The following CCDC148 variants were observed in gnomAD, a reference collection of about 807,000 sequenced individuals.
The protein encoded by CCDC148 is coiled-coil domain-containing protein 148.
A neutral mutation model predicts 85.7 loss-of-function variants in CCDC148; 89 were observed. The observed-to-expected ratio is 1.04, with a 90% CI of 0.87 to 1.24. The LOEUF (loss-of-function observed/expected upper bound fraction) is 1.24, where lower values mean the gene tolerates loss of function less well. CCDC148 is among the 50% of genes most tolerant of loss of function. The probability of loss-of-function intolerance (pLI) is 0.00; values close to 1 mark genes in which losing one functional copy is unlikely to be tolerated. For missense variants in CCDC148, 692 were observed against 671.7 expected (o/e 1.03, Z -0.33); for synonymous variants, 230 against 213.9 (o/e 1.08, Z -0.66).
intron 9 of CCDC148, among the ~76,000 whole-genome samples, chr2:158,252,262 G>T (rs1228308421): frequency 6.6e-6 from 1 of 151,576 alleles, no homozygotes; most frequent in Non-Finnish European, 1.5e-5. Context: ...AGTAATATTT[G>T]CCTTGTTTAT....
chr2:158,200,503 G>A (rs1685901334), intron 11 of CCDC148, among the ~76,000 whole-genome samples: 2 of 152,292 alleles, frequency 1.3e-5, no homozygotes, highest in African/African-American at 4.8e-5. Flanking sequence ...CATATTGACA[G>A]AGCTGAGAAG....
intron 9 of CCDC148, among the ~76,000 whole-genome samples, chr2:158,253,888 A>G (rs1028041924): frequency 1.3e-5 from 2 of 151,594 alleles, no homozygotes; most frequent in Non-Finnish European, 3.0e-5. Flanking sequence ...GCTCCTTCTG[A>G]TGGAAGCATA....
intron 1 of CCDC148, among the ~76,000 whole-genome samples, chr2:158,436,579 G>C (rs1687661709): frequency 6.6e-6 from 1 of 152,128 alleles, no homozygotes; most frequent in Non-Finnish European, 1.5e-5. Context: ...AGTGAAGCAA[G>C]AGCAAACACA....
chr2:158,235,316 G>C (rs1016347719), intron 10 of CCDC148, among the ~76,000 whole-genome samples: 10 of 152,262 alleles, frequency 6.6e-5, no homozygotes, highest in Middle Eastern at 3.4e-3. Context: ...CAAATGACAA[G>C]AATCCTACAT....
chr2:158,311,417 G>C (rs543707595), intron 8 of CCDC148, among the ~76,000 whole-genome samples: 6 of 150,930 alleles, frequency 4.0e-5, no homozygotes, highest in African/African-American at 1.5e-4. Context: ...CCGAGATCGC[G>C]GCAGTACAGT....
intron 11 of CCDC148, among the ~76,000 whole-genome samples, chr2:158,185,178 C>T (rs1685096447): frequency 6.6e-6 from 1 of 152,156 alleles, no homozygotes; most frequent in Non-Finnish European, 1.5e-5. Flanking sequence ...GCCCCTATGG[C>T]CCTGACACAC....
At chr2:158,245,491 T>C (rs1305311899) in intron 10 of CCDC148, among the ~76,000 whole-genome samples, 2 of 152,066 alleles carry the variant, frequency 1.3e-5, no homozygotes, top group Non-Finnish European at 2.9e-5. Context: ...AGATTAGGAG[T>C]TGGCAAAATT....
chr2:158,297,567 C>T (rs570865776), intron 9 of CCDC148, among the ~76,000 whole-genome samples: 1 of 152,238 alleles, frequency 6.6e-6, no homozygotes, highest in South Asian at 2.1e-4. Flanking sequence ...GTCAAAATAG[C>T]ATAGCAGGAC....
chr2:158,451,784 T>C (rs554666356), intron 1 of CCDC148, among the ~76,000 whole-genome samples: 11 of 152,180 alleles, frequency 7.2e-5, no homozygotes, highest in Admixed American at 6.5e-4. Flanking sequence ...TTTTCTACTA[T>C]TTACTTATTA....
chr2:158,288,712 T>G, intron 9 of CCDC148: 1 of 384,568 alleles, frequency 2.6e-6, no homozygotes, highest in Non-Finnish European at 5.1e-6. Context: ...TTCCAACCTC[T>G]GCCTGATACC....
chr2:158,382,296 A>G (rs1466576896), intron 1 of CCDC148, among the ~76,000 whole-genome samples: 1 of 152,172 alleles, frequency 6.6e-6, no homozygotes, highest in Non-Finnish European at 1.5e-5. Flanking sequence ...GATGTCTACC[A>G]ATAGTAGAAT....
chr2:158,444,785 GAAAAAAAA>G (rs11433320), intron 1 of CCDC148, among the ~76,000 whole-genome samples: 7 of 66,678 alleles, frequency 1.0e-4, no homozygotes, highest in East Asian at 9.0e-4. Flanking sequence ...ACCCTGTCTT[GAAAAAAAA>G]AAAAAAAAAA....
chr2:158,177,992 G>A (rs969526377), intron 12 of CCDC148: 6 of 152,064 alleles, frequency 3.9e-5, no homozygotes, highest in Non-Finnish European at 7.4e-5. Context: ...TTTACACTTA[G>A]TAAATAATAA....
rs1344949082 is a variant in CCDC148 at position 158,201,414 on chromosome 2, C to CT, written c.1370+19180dup. 3.0e-5 allele frequency among the ~76,000 whole-genome samples: 4 copies of CT among 132,720 alleles called. No individual in the cohort carries two copies. In the Admixed American group the frequency reaches 3.5e-4, roughly 12 times the overall value. 87.1% of individuals were successfully genotyped at this position (132,720 alleles called of 152,430 possible). On this transcript the variant is annotated intron_variant, in intron 11 of 13. Coordinates refer to ENST00000283233, the MANE Select transcript of CCDC148 (RefSeq NM_138803.4). ...GATTACTGTTTTCTTTTATTTGTTA[C>CT]TATTTTTTTTTTGGAGACAGGGTCT...
intron 10 of CCDC148, among the ~76,000 whole-genome samples, chr2:158,238,033 C>T (rs367738870): frequency 1.8e-4 from 27 of 151,748 alleles, no homozygotes; most frequent in South Asian, 1.0e-3. Flanking sequence ...TTGGCAAGTG[C>T]GACATTGCTG....
rs1276531586 is a variant in CCDC148 at position 158,406,616 on chromosome 2, T to TTTTTTTCTGTTTTTTTTTTTG, written c.26-48047_26-48046insCAAAAAAAAAAACAGAAAAAA. Among the ~76,000 whole-genome samples, 26 of 73,090 alleles carry TTTTTTTCTGTTTTTTTTTTTG rather than the reference T, an allele frequency of 3.6e-4. 1 individual carries two copies. The highest frequency in any genetic ancestry group is 6.4e-4 in the Non-Finnish European group (23 of 35,928). 47.9% of individuals were successfully genotyped at this position (73,090 alleles called of 152,430 possible). A position where few individuals can be genotyped will look rare whatever the true frequency, so the allele number is the denominator to read the frequency against. On this transcript the variant is annotated intron_variant, in intron 1 of 13. Coordinates refer to ENST00000283233, the MANE Select transcript of CCDC148 (RefSeq NM_138803.4). ...GCCAGTTAAACAGATTAAATTTCTT[T>TTTTTTTCTGTTTTTTTTTTTG]TTTTTTTTTTTTTTTTTTTTTTTTG... is the stretch of plus-strand genomic sequence containing the variant.
chr2:158,412,589 T>C (rs1686307889), intron 1 of CCDC148, among the ~76,000 whole-genome samples: 1 of 152,122 alleles, frequency 6.6e-6, no homozygotes, highest in Admixed American at 6.6e-5. Flanking sequence ...TTTCTATCAA[T>C]AGGAAGCACT....
At chr2:158,327,534 T>C (rs1476626188) in intron 7 of CCDC148, among the ~76,000 whole-genome samples, 2 of 152,140 alleles carry the variant, frequency 1.3e-5, no homozygotes, top group African/African-American at 2.4e-5. Flanking sequence ...CCCAAATTCA[T>C]CCAAGGATTT....
At chr2:158,412,902 G>T (rs1686329192) in intron 1 of CCDC148, among the ~76,000 whole-genome samples, 1 of 149,432 alleles carries the variant, frequency 6.7e-6, no homozygotes, top group Non-Finnish European at 1.5e-5. Flanking sequence ...TGCACAATGT[G>T]CAGGTTAGTT....
Sources: gnomAD v4.1 joint callset for allele counts (sites outside exome capture counted in the v4.1 genomes callset) on GRCh38, gnomAD v4.1.1 for gene constraint, MANE v1.5 for transcripts, NCBI Gene and HGNC (gene_info 2026-07-23, HGNC 2026-07-21) for gene names.